MTCL2: variants seen among roughly 807,000 people sequenced by gnomAD.
The protein encoded by MTCL2 is microtubule crosslinking factor 2.
At chr20:36,836,752 G>A in the MTCL2 span, among the ~76,000 whole-genome samples, 663 of 152,134 alleles carry the variant, frequency 4.4e-3, 6 homozygotes, top group African/African-American at 0.015. Context: ...CTCCCAAAGC[G>A]CTGGGATTCT....
chr20:36,829,138 C>G, the MTCL2 span: 1 of 1,598,456 alleles, frequency 6.3e-7, no homozygotes, highest in Non-Finnish European at 8.5e-7. Context: ...CTTCGTTCTC[C>G]TCCTCCAGCC....
the MTCL2 span, among the ~76,000 whole-genome samples, chr20:36,853,737 GTGT>G: frequency 4.7e-5 from 7 of 148,950 alleles, no homozygotes; most frequent in African/African-American, 9.9e-5. Context: ...GTGTGTGTGT[GTGT>G]GTGGTGGTTG....
At chr20:36,785,338 T>C in the MTCL2 span, 1 of 985,322 alleles carries the variant, frequency 1.0e-6, no homozygotes. Flanking sequence ...CAACCTCCAA[T>C]AAATTACCTT....
the MTCL2 span, chr20:36,805,741 C>A: frequency 1.0e-6 from 1 of 958,260 alleles, no homozygotes. Flanking sequence ...CAGGCAATAA[C>A]TTGCAACTTC....
the MTCL2 span, chr20:36,784,984 A>G: frequency 2.0e-6 from 2 of 985,498 alleles, no homozygotes; most frequent in Non-Finnish European, 2.4e-6. Flanking sequence ...CGTTCGACTC[A>G]TGAAGAAAGG....
chr20:36,823,387 A>T, the MTCL2 span, among the ~76,000 whole-genome samples: 1 of 151,946 alleles, frequency 6.6e-6, no homozygotes, highest in African/African-American at 2.4e-5. Context: ...CCAGACCCGC[A>T]GCCCTCACGG....
the MTCL2 span, chr20:36,862,899 C>T: frequency 8.0e-7 from 1 of 1,256,258 alleles, no homozygotes; most frequent in Non-Finnish European, 1.0e-6. Flanking sequence ...CGCCGGGCCC[C>T]CGGCCGCGGA....
At chr20:36,815,338 C>T in the MTCL2 span, 10 of 1,613,786 alleles carry the variant, frequency 6.2e-6, no homozygotes, top group Non-Finnish European at 8.5e-6. The surrounding 1 kb of genome is among the most constrained non-coding windows in gnomAD (Gnocchi z 5.3). Flanking sequence ...CTGGGGCCCT[C>T]GCTGTTGTCG....
chr20:36,783,848 A>G, the MTCL2 span: 1 of 985,362 alleles, frequency 1.0e-6, no homozygotes, highest in Non-Finnish European at 1.2e-6. Flanking sequence ...CCAGTTACCA[A>G]GTAAAATGCT....
chr20:36,815,191 G>A, the MTCL2 span: 32 of 1,613,622 alleles, frequency 2.0e-5, no homozygotes, highest in Non-Finnish European at 2.5e-5. This position sits in a 1 kb window ranked among gnomAD's most constrained non-coding sequence, Gnocchi z 5.3. Context: ...GAGCCCAAGG[G>A]GGGCAGTGAT....
the MTCL2 span, chr20:36,812,617 T>A: frequency 1.3e-6 from 2 of 1,527,190 alleles, no homozygotes; most frequent in Non-Finnish European, 1.8e-6. Flanking sequence ...CCTCACCAGC[T>A]AAGTGATATA....
chr20:36,813,335 A>AAAAAG, the MTCL2 span, among the ~76,000 whole-genome samples: 2 of 149,920 alleles, frequency 1.3e-5, 1 homozygote, highest in African/African-American at 4.9e-5. Context: ...AAAAAAAAAA[A>AAAAAG]AAAAGGCAAT....
chr20:36,811,455 C>A, the MTCL2 span, among the ~76,000 whole-genome samples: 3 of 151,912 alleles, frequency 2.0e-5, no homozygotes, highest in African/African-American at 7.3e-5. Context: ...ATGACAAAAC[C>A]CTGTCTCTAC....
At chr20:36,841,898 T>A in the MTCL2 span, among the ~76,000 whole-genome samples, 1 of 151,050 alleles carries the variant, frequency 6.6e-6, no homozygotes, top group South Asian at 2.1e-4. Flanking sequence ...TGTGTGTGTG[T>A]GTGTGTGTGT....
the MTCL2 span, chr20:36,786,409 C>T: frequency 3.5e-6 from 5 of 1,441,634 alleles, no homozygotes; most frequent in Non-Finnish European, 3.7e-6. Flanking sequence ...CCTCGCCTCA[C>T]CTCGTCTCGT....
At chr20:36,815,149 T>C in the MTCL2 span, 1 of 1,600,978 alleles carries the variant, frequency 6.2e-7, no homozygotes, top group Non-Finnish European at 8.5e-7. The surrounding 1 kb of genome is among the most constrained non-coding windows in gnomAD (Gnocchi z 5.3). Flanking sequence ...CCAAGGTCTT[T>C]TGCCAGAAGA....
At chr20:36,818,512 G>A in the MTCL2 span, among the ~76,000 whole-genome samples, 1 of 152,104 alleles carries the variant, frequency 6.6e-6, no homozygotes, top group African/African-American at 2.4e-5. Context: ...CAAAAATCCA[G>A]AAGCTGGTCT....
chr20:36,801,791 C>A, the MTCL2 span, among the ~76,000 whole-genome samples: 4 of 150,908 alleles, frequency 2.7e-5, 1 homozygote, highest in East Asian at 7.8e-4. Flanking sequence ...CATGGTGAAC[C>A]CCATCTCTAC....
the MTCL2 span, among the ~76,000 whole-genome samples, chr20:36,856,863 CGCGCACGTGTGTGCGTGT>C: frequency 6.6e-6 from 1 of 151,898 alleles, no homozygotes; most frequent in African/African-American, 2.4e-5. Context: ...TGTGTGCGTG[CGCGCACGTGTGTGCGTGT>C]GTCTAGGTTC....
Sources: gnomAD v4.1 joint callset for allele counts (sites outside exome capture counted in the v4.1 genomes callset) on GRCh38, gnomAD v4.1.1 for gene constraint, Gnocchi (gnomAD v3.1) non-coding constraint, MANE v1.5 for transcripts, NCBI Gene and HGNC (gene_info 2026-07-23, HGNC 2026-07-21) for gene names.